The following IRF6 variants were observed in gnomAD, a reference collection of about 807,000 sequenced individuals.
IRF6 encodes the protein interferon regulatory factor 6.
IRF6 carries 6 observed loss-of-function variants against 51.4 expected under a neutral mutation model. The ratio of observed to expected loss-of-function variants is 0.12; its 90% CI spans 0.06 to 0.23. IRF6 has a LOEUF of 0.23. IRF6 is among the 10% of genes least tolerant of loss of function. The pLI is 1.00. For synonymous variants in IRF6, 178 were observed against 215.7 expected (o/e 0.83, Z 1.53); for missense variants, 348 against 585.2 (o/e 0.59, Z 4.18).
chr1:209,790,925 C>A lies in IRF6; in HGVS notation c.668-38G>T, dbSNP rs2077865417. 2 of 1,611,630 alleles carry A rather than the reference C, an allele frequency of 1.2e-6. No individual in the cohort carries two copies. Among genetic ancestry groups the A allele is most frequent in the Non-Finnish European group, 1.7e-6 (2 of 1,180,030 alleles). On this transcript the variant is annotated intron_variant, in intron 6 of 8. Coordinates refer to ENST00000367021, the MANE Select transcript of IRF6 (RefSeq NM_006147.4). The surrounding 1 kb of genome is among the most constrained non-coding windows in gnomAD (Gnocchi z 4.8). ...AGATGACAGTGAGAGTCCTGCTTCA[C>A]TGCTCTGCCTGTTCATCCCTGTGAC...
chr1:209,803,572 G>A (rs752373570), intron 1 of IRF6, among the ~76,000 whole-genome samples: 55 of 152,278 alleles, frequency 3.6e-4, no homozygotes, highest in Middle Eastern at 6.8e-3. Context: ...CTACACAAGA[G>A]CAGCCTTGCC....
At chr1:209,805,055 A>G (rs953671183) in intron 1 of IRF6, among the ~76,000 whole-genome samples, 5 of 152,072 alleles carry the variant, frequency 3.3e-5, no homozygotes, top group African/African-American at 9.7e-5. Flanking sequence ...GGGATGGCGA[A>G]TGGGAGTTAC....
intron 3 of IRF6, among the ~76,000 whole-genome samples, chr1:209,797,574 C>T (rs1053915268): frequency 1.3e-5 from 2 of 152,008 alleles, no homozygotes; most frequent in Middle Eastern, 3.2e-3. Flanking sequence ...GCTGGCAGCA[C>T]GGACTAAAAC....
rs1447191778 is a variant in IRF6 at position 209,792,325 on chromosome 1, T to G, written c.611A>C (p.Gln204Pro). The G allele has an allele frequency of 6.2e-7, 1 of 1,614,114 alleles. No individual in the cohort carries two copies. The highest frequency in any genetic ancestry group is 1.3e-5 in the African/African-American group (1 of 74,948). The change falls in exon 6 of 9, where the codon CAG (glutamine) becomes CCG (proline). Residue 204 changes from glutamine (Q) to proline (P), a missense_variant. Gln to Pro is a moderately conservative substitution (Grantham distance 76). This residue lies in a region of IRF6 where 124 missense variants were observed against 141.6 expected (regional missense o/e 0.88). Coordinates refer to ENST00000367021, the MANE Select transcript of IRF6 (RefSeq NM_006147.4). The part of the protein sequence containing the change: ...KTEPLEMEVP[Q>P]APIQPFYSSP... ...GCTATAGAAGGGCTGTATAGGTGCCTGGGGTACTTCCATCTCCAGGGGTTC... is the reference window on the plus strand; with the variant it reads ...GCTATAGAAGGGCTGTATAGGTGCCGGGGGTACTTCCATCTCCAGGGGTTC...
At chr1:209,792,162 C>T in intron 6 of IRF6, 107 bp downstream of exon 6, 1 of 1,227,592 alleles carries the variant, frequency 8.1e-7, no homozygotes, top group Non-Finnish European at 1.2e-6. Context: ...GCCTCTGAGA[C>T]AGGTAGTTTT....
At chr1:209,789,322 T>C (rs2077854310) in intron 8 of IRF6, among the ~76,000 whole-genome samples, 1 of 143,890 alleles carries the variant, frequency 6.9e-6, no homozygotes, top group African/African-American at 2.6e-5. Context: ...AGACCATGTC[T>C]CCAAAAAAAA....
chr1:209,790,424 G>T lies in IRF6; in HGVS notation c.1060+71C>A. ...ATGCCAGGAAAGCAGGAAGGTGAAA[G>T]ACAGGGATAGTGGAAGGAATGTACT... On this transcript the variant is annotated intron_variant, in intron 7 of 8. Transcript: ENST00000367021. This position sits in a 1 kb window ranked among gnomAD's most constrained non-coding sequence, Gnocchi z 4.8. The T allele has an allele frequency of 6.5e-7, 1 of 1,540,340 alleles. No individual in the cohort carries two copies. The highest frequency in any genetic ancestry group is 9.0e-7 in the Non-Finnish European group (1 of 1,115,276).
Position 209,790,575 on chromosome 1 carries a change from C to T in IRF6, c.980G>A (p.Cys327Tyr). 6.2e-7 allele frequency: 1 copy of T among 1,614,266 alleles called. No homozygotes were observed. The highest frequency in any genetic ancestry group is 8.5e-7 in the Non-Finnish European group (1 of 1,180,048). ...CQCKVYWSGPCAPSLVAPNLI... is the reference protein window; with the variant it reads ...CQCKVYWSGPYAPSLVAPNLI... ...GTTGGGAGCAACAAGTGATGGGGCA[C>T]ATGGCCCAGACCAGTACACCTTGCA... The change falls in exon 7 of 9, where the codon TGT becomes TAT. Residue 327 changes from cysteine (C) to tyrosine (Y), a missense_variant. Transcript: ENST00000367021. The surrounding 1 kb of genome is among the most constrained non-coding windows in gnomAD (Gnocchi z 4.8).
intron 3 of IRF6, among the ~76,000 whole-genome samples, chr1:209,800,283 T>C (rs2077932557): frequency 6.6e-6 from 1 of 152,242 alleles, no homozygotes. Flanking sequence ...AAGTCAAGCT[T>C]TGGTTTCACT....
intron 3 of IRF6, among the ~76,000 whole-genome samples, chr1:209,800,447 C>T (rs958494604): frequency 2.0e-5 from 3 of 152,020 alleles, no homozygotes; most frequent in Non-Finnish European, 4.4e-5. Context: ...ATAGATGGGG[C>T]GAAATATTTT....
At chr1:209,797,595 C>T (rs2102544186) in intron 3 of IRF6, among the ~76,000 whole-genome samples, 1 of 152,218 alleles carries the variant, frequency 6.6e-6, no homozygotes, top group African/African-American at 2.4e-5. Flanking sequence ...CACTTCGACT[C>T]CTTCTCTCTG....
At chr1:209,795,555 A>C in intron 4 of IRF6, 137 bp from the exon 5 acceptor site, 1 of 1,321,860 alleles carries the variant, frequency 7.6e-7, no homozygotes, top group South Asian at 1.2e-5. Flanking sequence ...GTCCTAGCTA[A>C]AAAGAGTGAG....
At chr1:209,794,562 G>T (rs2077889280) in intron 5 of IRF6, among the ~76,000 whole-genome samples, 1 of 152,196 alleles carries the variant, frequency 6.6e-6, no homozygotes, top group Non-Finnish European at 1.5e-5. Flanking sequence ...TTGCAGCCAG[G>T]TGGTACTAAA....
chr1:209,793,863 C>T (rs898075792), intron 5 of IRF6, among the ~76,000 whole-genome samples: 1 of 152,146 alleles, frequency 6.6e-6, no homozygotes, highest in Non-Finnish European at 1.5e-5. Context: ...TAGGATAATG[C>T]CCTCCAGCTA....
At chr1:209,804,229 T>G (rs1286925037) in intron 1 of IRF6, among the ~76,000 whole-genome samples, 1 of 152,236 alleles carries the variant, frequency 6.6e-6, no homozygotes, top group Non-Finnish European at 1.5e-5. Flanking sequence ...AACCTTTACC[T>G]AACATGTCTG....
At chr1:209,793,808 G>T (rs1309671131) in intron 5 of IRF6, among the ~76,000 whole-genome samples, 1 of 152,086 alleles carries the variant, frequency 6.6e-6, no homozygotes, top group South Asian at 2.1e-4. Flanking sequence ...CTTATGAGTG[G>T]GAACACGTAG....
chr1:209,792,234 A>G, intron 6 of IRF6, 35 bp downstream of exon 6: 1 of 1,600,614 alleles, frequency 6.2e-7, no homozygotes, highest in Non-Finnish European at 8.6e-7. Context: ...TAATAGAAGC[A>G]GAAGACCGAG....
In IRF6 at chr1:209,796,273, A is replaced by G. The variant is rs1256620001; in HGVS notation, c.379+75T>C. ...AACTGTGTAAATCAGGCTGTTTTCA[A>G]GTTGACTATCTCTTAAGAGTGCAGC... is the stretch of plus-strand genomic sequence containing the variant. On this transcript the variant is annotated intron_variant, in intron 4 of 8. Transcript: ENST00000367021. This position sits in a 1 kb window ranked among gnomAD's most constrained non-coding sequence, Gnocchi z 4.5. 2 of 1,262,336 alleles carry G rather than the reference A, an allele frequency of 1.6e-6. No homozygotes were observed. Among genetic ancestry groups the G allele is most frequent in the Non-Finnish European group, 2.3e-6 (2 of 868,202 alleles). 78.2% of individuals were successfully genotyped at this position (1,262,336 alleles called of 1,614,324 possible).
At chr1:209,788,675 T>A (rs1190327431) in intron 8 of IRF6, 31 bp from the exon 9 acceptor site, 1 of 1,572,196 alleles carries the variant, frequency 6.4e-7, no homozygotes. Context: ...AGGTGTATCC[T>A]CTGAGGAAAA....
Sources: allele counts gnomAD v4.1 joint callset (sites outside exome capture counted in the v4.1 genomes callset), GRCh38; gene constraint gnomAD v4.1.1; regional missense constraint gnomAD v4.1.1; non-coding constraint Gnocchi (gnomAD v3.1); transcripts MANE v1.5; gene names NCBI Gene and HGNC (gene_info 2026-07-23, HGNC 2026-07-21).